IFT57: variants seen among roughly 807,000 people sequenced by gnomAD.
The protein encoded by IFT57 is intraflagellar transport 57, also known as intraflagellar transport protein 57 homolog.
IFT57 carries 59 observed loss-of-function variants against 56.8 expected under a neutral mutation model. The ratio of observed to expected loss-of-function variants is 1.04; its 90% confidence interval spans 0.84 to 1.29. The LOEUF (loss-of-function observed/expected upper bound fraction) is 1.29. Ranked by LOEUF, IFT57 falls within the 50% of genes most tolerant of loss-of-function variation. The pLI is 0.00. For missense variants in IFT57, 470 were observed against 522.1 expected, an observed-to-expected ratio of 0.90 and a Z score of 0.97; for synonymous variants, 209 against 186.1, an observed-to-expected ratio of 1.12 and a Z score of -1.00.
intron 6 of IFT57, among the ~76,000 whole-genome samples, chr3:108,169,851 A>AC (rs1403136591): frequency 1.3e-5 from 2 of 152,026 alleles, no homozygotes; most frequent in African/African-American, 4.8e-5. Context: ...AACATACACA[A>AC]ATCAATAAAT....
chr3:108,178,235 A>C (rs2080134318), intron 6 of IFT57, among the ~76,000 whole-genome samples: 1 of 151,902 alleles, frequency 6.6e-6, no homozygotes, highest in Admixed American at 6.6e-5. Flanking sequence ...ATACATATGA[A>C]AACCAAGTAA....
intron 4 of IFT57, among the ~76,000 whole-genome samples, chr3:108,210,631 C>T (rs529305118): frequency 1.3e-5 from 2 of 152,210 alleles, no homozygotes; most frequent in South Asian, 2.1e-4. Flanking sequence ...CCACACCTGG[C>T]CAACCTTTAC....
In IFT57 at chr3:108,222,005, A is replaced by T. The variant is rs904594951; in HGVS notation, c.212+106T>A. 2.7e-6 allele frequency: 4 copies of T among 1,501,290 alleles called. No individual in the cohort carries two copies. The African/African-American group carries it at 5.6e-5, about 21-fold the overall frequency. The allele number at this position is 1,501,290 out of a possible 1,614,324, so 93.0% of individuals were successfully genotyped here. On this transcript the variant is annotated intron_variant, in intron 1 of 10. Transcript: ENST00000264538. ...TTCCCTGGCTAGGAAGACGGAGGCAAGGAATTGCTAACCCGCTCTCACGAA... is the reference window on the plus strand; with the variant it reads ...TTCCCTGGCTAGGAAGACGGAGGCATGGAATTGCTAACCCGCTCTCACGAA...
intron 6 of IFT57, among the ~76,000 whole-genome samples, chr3:108,176,911 G>A (rs1225437981): frequency 6.6e-6 from 1 of 151,694 alleles, no homozygotes; most frequent in Non-Finnish European, 1.5e-5. Context: ...AGCACTACTG[G>A]TAAATCAACA....
chr3:108,191,203 T>A (rs767335120), intron 6 of IFT57, among the ~76,000 whole-genome samples: 2 of 152,182 alleles, frequency 1.3e-5, no homozygotes, highest in Non-Finnish European at 2.9e-5. Context: ...TCTAATCAGT[T>A]GGTATGGTCA....
In IFT57 at chr3:108,166,988, A is replaced by G; in HGVS notation, c.850-3T>C. The G allele has an allele frequency of 6.2e-7, 1 of 1,604,102 alleles. No homozygotes were observed. Among genetic ancestry groups the G allele is most frequent in the Admixed American group, 1.7e-5 (1 of 58,266 alleles). ...TTATGGAGTTTGTCCAAAAATCCCT[A>G]GAAATTCCATGGAATTTGCAGATAG... is the stretch of plus-strand genomic sequence containing the variant. On this transcript the variant is annotated splice_polypyrimidine_tract_variant and splice_region_variant and intron_variant, in intron 7 of 10. Transcript: ENST00000264538.
At position 108,200,921 on chromosome 3, in the gene IFT57, G is replaced by C. The variant is rs143808040; in HGVS notation, c.654+5707C>G. Among the ~76,000 whole-genome samples, 38 of 152,262 alleles carry C rather than the reference G, an allele frequency of 2.5e-4. 2 individuals are homozygous for C. The East Asian group carries it at 6.6e-3, about 26-fold the overall frequency. ...TTTCCTAGTCTTCTATGGCACATAA[G>C]AATGTTGAGAACTAATTCCAGTTTC... On this transcript the variant is annotated intron_variant, in intron 5 of 10. Transcript: ENST00000264538.
rs1299310316 is a variant in IFT57, at chr3:108,163,703, T to C, written c.1071A>G (p.Lys357=). 7 of 1,610,600 alleles carry C rather than the reference T, an allele frequency of 4.3e-6. No individual in the cohort carries two copies. In the East Asian group the frequency reaches 1.6e-4, roughly 36 times the overall value. The change falls in exon 10 of 11, where the codon AAA becomes AAG. Residue 357 remains lysine, a synonymous_variant. Transcript: ENST00000264538. Reference sequence around the variant, plus strand: ...TGCTGCCCTTTTCTTCCATTTCTTGTTTTACCTTTTCTAATTCTTCCATAA... The same window carrying C: ...TGCTGCCCTTTTCTTCCATTTCTTGCTTTACCTTTTCTAATTCTTCCATAA... ...SEVMEELEKV[K]QEMEEKGSSM... is the part of the protein sequence containing the mutation.
intron 1 of IFT57, among the ~76,000 whole-genome samples, chr3:108,220,241 T>C (rs1434420533): frequency 6.6e-6 from 1 of 152,216 alleles, no homozygotes; most frequent in African/African-American, 2.4e-5. Flanking sequence ...TCTTGCTTAA[T>C]CCCCTAGTCT....
chr3:108,209,697 T>G (rs1049533172), intron 4 of IFT57, among the ~76,000 whole-genome samples: 3 of 152,202 alleles, frequency 2.0e-5, no homozygotes, highest in African/African-American at 7.2e-5. Flanking sequence ...AGAAAGAGAA[T>G]GTATTATCTT....
intron 3 of IFT57, among the ~76,000 whole-genome samples, chr3:108,217,198 C>T (rs574430767): frequency 6.6e-6 from 1 of 151,996 alleles, no homozygotes; most frequent in Non-Finnish European, 1.5e-5. Context: ...CGAAACATCA[C>T]ATTGTACTCC....
chr3:108,209,637 G>A (rs969287968), intron 4 of IFT57, among the ~76,000 whole-genome samples: 1 of 152,158 alleles, frequency 6.6e-6, no homozygotes, highest in East Asian at 1.9e-4. Flanking sequence ...TCACCAATGC[G>A]GATGGGCTTT....
chr3:108,191,675 G>T, intron 5 of IFT57, 32 bp from the exon 6 acceptor site: 4 of 1,554,636 alleles, frequency 2.6e-6, no homozygotes, highest in Non-Finnish European at 2.6e-6. Flanking sequence ...AAGATTGAGA[G>T]TTTATAAAAA....
chr3:108,218,114 T>C (rs2080383428), intron 3 of IFT57, among the ~76,000 whole-genome samples: 1 of 152,074 alleles, frequency 6.6e-6, no homozygotes, highest in Non-Finnish European at 1.5e-5. Flanking sequence ...GCCCAGTAAC[T>C]ACTAGCAAAG....
At chr3:108,195,920 T>G (rs11926812) in intron 5 of IFT57, among the ~76,000 whole-genome samples, 14,630 of 152,090 alleles carry the variant, frequency 0.096, 761 homozygotes, top group Middle Eastern at 0.12. Flanking sequence ...AGACCTAGTG[T>G]TCGGTAGCAC....
chr3:108,218,613 C>G lies in IFT57; in HGVS notation c.416G>C (p.Gly139Ala). The change falls in exon 3 of 11, where the codon GGT (glycine) becomes GCT (alanine). Residue 139 changes from glycine (G) to alanine (A), a missense_variant. Gly to Ala is a moderately conservative substitution (Grantham distance 60, BLOSUM62 0). Coordinates refer to ENST00000264538, the MANE Select transcript of IFT57 (RefSeq NM_018010.4). Reference protein sequence around the residue: ...ADFPPSKLKSGYGEHVCYVLD... With the variant: ...ADFPPSKLKSAYGEHVCYVLD... ...AACATAGCATACATGTTCTCCATAA[C>G]CTGACTTTAATTTTGAAGGAGGAAA... is the stretch of plus-strand genomic sequence containing the variant. 6.5e-7 allele frequency: 1 copy of G among 1,546,096 alleles called. No homozygotes were observed. The highest frequency in any genetic ancestry group is 1.4e-5 in the African/African-American group (1 of 71,394).
chr3:108,210,215 C>T (rs1012493991), intron 4 of IFT57, among the ~76,000 whole-genome samples: 1 of 151,826 alleles, frequency 6.6e-6, no homozygotes, highest in Admixed American at 6.6e-5. Context: ...TGTGTTATGA[C>T]CCCAACATAT....
chr3:108,181,260 C>CT (rs11411619), intron 6 of IFT57, among the ~76,000 whole-genome samples: 14,643 of 151,942 alleles, frequency 0.096, 765 homozygotes, highest in Middle Eastern at 0.12. Flanking sequence ...TTTTTAGTTG[C>CT]TAAGAATAGC....
chr3:108,198,204 C>T (rs2080254580), intron 5 of IFT57, among the ~76,000 whole-genome samples: 1 of 152,182 alleles, frequency 6.6e-6, no homozygotes, highest in Non-Finnish European at 1.5e-5. Flanking sequence ...AGCTCTAAAA[C>T]ACCTTAGCAC....
Sources: allele counts gnomAD v4.1 joint callset (sites outside exome capture counted in the v4.1 genomes callset), GRCh38; gene constraint gnomAD v4.1.1; transcripts MANE v1.5; gene names NCBI Gene and HGNC (gene_info 2026-07-23, HGNC 2026-07-21).